METTL15: variants seen among roughly 807,000 people sequenced by gnomAD.
METTL15 encodes methyltransferase 15, mitochondrial 12S rRNA N4-cytidine.
Under a neutral mutation model 38.3 loss-of-function variants are expected in METTL15, and 34 were observed. The ratio of observed to expected loss-of-function variants is 0.89; its 90% confidence interval spans 0.68 to 1.18. METTL15 has a LOEUF of 1.18. Ranked by LOEUF, METTL15 falls within the 50% of genes most tolerant of loss-of-function variation. The probability of loss-of-function intolerance (pLI) is 0.00; values close to 1 mark genes in which losing one functional copy is unlikely to be tolerated. For missense variants in METTL15, 438 were observed against 498.4 expected (o/e 0.88, Z 1.15); for synonymous variants, 162 against 170.9 (o/e 0.95, Z 0.41).
chr11:28,179,268 A>G (rs1851193409), intron 3 of METTL15, among the ~76,000 whole-genome samples: 1 of 151,676 alleles, frequency 6.6e-6, no homozygotes, highest in African/African-American at 2.4e-5. Flanking sequence ...TATTATATTT[A>G]CCCTCTGTTA....
chr11:28,440,199 T>C (rs1002033830), intron 6 of METTL15, among the ~76,000 whole-genome samples: 1 of 152,174 alleles, frequency 6.6e-6, no homozygotes, highest in African/African-American at 2.4e-5. Context: ...GTGAACAAGT[T>C]ATTCGTGTTA....
At chr11:28,521,405 G>T (rs901137969) in intron 6 of METTL15, among the ~76,000 whole-genome samples, 1 of 152,228 alleles carries the variant, frequency 6.6e-6, no homozygotes, top group African/African-American at 2.4e-5. Context: ...TCTGCAGAAG[G>T]ATTTCTCCTT....
At chr11:28,454,437 C>T (rs1851150748) in intron 6 of METTL15, among the ~76,000 whole-genome samples, 1 of 152,236 alleles carries the variant, frequency 6.6e-6, no homozygotes, top group Non-Finnish European at 1.5e-5. Flanking sequence ...AGAAGTTCTT[C>T]TGAGGCCTCT....
intron 6 of METTL15, among the ~76,000 whole-genome samples, chr11:28,298,125 A>G (rs1364563657): frequency 6.6e-6 from 1 of 152,086 alleles, no homozygotes; most frequent in African/African-American, 2.4e-5. Context: ...TCTTGTGGTT[A>G]TATGAACATA....
At chr11:28,361,730 G>A (rs771888453) in intron 4 of METTL15, among the ~76,000 whole-genome samples, 11 of 151,738 alleles carry the variant, frequency 7.2e-5, no homozygotes, top group Non-Finnish European at 1.6e-4. Context: ...ACTTAATATC[G>A]GTAAAAACTA....
chr11:28,502,364 C>G (rs1851591673), intron 6 of METTL15, among the ~76,000 whole-genome samples: 1 of 152,136 alleles, frequency 6.6e-6, no homozygotes, highest in Non-Finnish European at 1.5e-5. Flanking sequence ...TTCAATTCTA[C>G]CCTTGTAGCA....
chr11:28,240,944 CA>C (rs1485573138), intron 4 of METTL15, among the ~76,000 whole-genome samples: 2 of 151,858 alleles, frequency 1.3e-5, no homozygotes, highest in Non-Finnish European at 2.9e-5. Flanking sequence ...ATTTGATTGT[CA>C]GAAAATAAAA....
chr11:28,402,072 A>T (rs1219324357), intron 5 of METTL15, among the ~76,000 whole-genome samples: 8 of 151,964 alleles, frequency 5.3e-5, no homozygotes, highest in African/African-American at 1.9e-4. Flanking sequence ...ACCTTTATGA[A>T]ATATTCTAGA....
intron 4 of METTL15, among the ~76,000 whole-genome samples, chr11:28,238,326 C>G (rs879622424): frequency 2.0e-5 from 3 of 152,326 alleles, no homozygotes; most frequent in African/African-American, 4.8e-5. Context: ...GCCCCTCCCC[C>G]AGCCTGGCTG....
chr11:28,163,590 A>G, intron 3 of METTL15: 1 of 395,246 alleles, frequency 2.5e-6, no homozygotes, highest in East Asian at 3.6e-5. Flanking sequence ...ATACACAATC[A>G]AATGTATTTC....
At chr11:28,248,037 T>C (rs1241772094) in intron 4 of METTL15, among the ~76,000 whole-genome samples, 1 of 152,112 alleles carries the variant, frequency 6.6e-6, no homozygotes, top group Non-Finnish European at 1.5e-5. Context: ...ATAAGAGTAT[T>C]TGGGGGAATA....
chr11:28,166,164 A>G (rs1231030735), intron 3 of METTL15, among the ~76,000 whole-genome samples: 1 of 152,080 alleles, frequency 6.6e-6, no homozygotes, highest in East Asian at 1.9e-4. Context: ...TGCATTTTTC[A>G]TTTCTGGGAA....
intron 4 of METTL15, among the ~76,000 whole-genome samples, chr11:28,273,079 A>G (rs1024821123): frequency 1.3e-5 from 2 of 152,326 alleles, no homozygotes; most frequent in Middle Eastern, 3.4e-3. Flanking sequence ...CATCTCTGTT[A>G]AAATATTCTG....
At chr11:28,357,843 T>C (rs1371354585) in intron 4 of METTL15, among the ~76,000 whole-genome samples, 2 of 152,116 alleles carry the variant, frequency 1.3e-5, no homozygotes, top group African/African-American at 4.8e-5. Flanking sequence ...GCTCTGATCA[T>C]TTTTTTGTAG....
intron 3 of METTL15, among the ~76,000 whole-genome samples, chr11:28,135,182 C>T (rs1849475051): frequency 6.6e-6 from 1 of 152,078 alleles, no homozygotes; most frequent in Admixed American, 6.6e-5. Flanking sequence ...TTCTTCAGTC[C>T]TCATTTTTGT....
In METTL15 at chr11:28,277,983, C is replaced by T. The variant is rs867802041; in HGVS notation, c.408-12223C>T. On this transcript the variant is annotated intron_variant, in intron 4 of 6. Coordinates refer to ENST00000407364, the MANE Select transcript of METTL15 (RefSeq NM_001113528.2). Reference sequence around the variant, plus strand: ...AAGGAATAAATTCAGTGTTTGATTGCAGAATAAAATGATTATAGTTTTAAA... The same window carrying T: ...AAGGAATAAATTCAGTGTTTGATTGTAGAATAAAATGATTATAGTTTTAAA... 4.6e-5 allele frequency among the ~76,000 whole-genome samples: 7 copies of T among 152,198 alleles called. No individual in the cohort carries two copies. The South Asian group carries it at 1.5e-3, about 32-fold the overall frequency.
intron 4 of METTL15, among the ~76,000 whole-genome samples, chr11:28,245,083 G>T (rs558249828): frequency 5.3e-5 from 8 of 152,232 alleles, no homozygotes; most frequent in South Asian, 2.1e-4. Flanking sequence ...ATTCTTAATT[G>T]ATTTGCTTCT....
chr11:28,130,650 A>G (rs1165007600), intron 3 of METTL15, among the ~76,000 whole-genome samples: 2 of 152,184 alleles, frequency 1.3e-5, no homozygotes, highest in African/African-American at 4.8e-5. Context: ...CATATTGTCA[A>G]AGTATGAGAC....
intron 4 of METTL15, among the ~76,000 whole-genome samples, chr11:28,245,501 G>T (rs572173660): frequency 1.3e-5 from 2 of 151,938 alleles, no homozygotes; most frequent in African/African-American, 2.4e-5. Context: ...GAAAAAAAAA[G>T]TATCACATGA....
Sources: allele counts gnomAD v4.1 joint callset (sites outside exome capture counted in the v4.1 genomes callset), GRCh38; gene constraint gnomAD v4.1.1; transcripts MANE v1.5; gene names NCBI Gene and HGNC (gene_info 2026-07-23, HGNC 2026-07-21).